The following PUDP variants were observed in gnomAD, a reference collection of about 807,000 sequenced individuals.
PUDP encodes pseudouridine 5'-phosphatase.
A neutral mutation model predicts 9.4 loss-of-function variants in PUDP; 8 were observed. The observed-to-expected ratio is 0.85, with a 90% CI of 0.50 to 1.53. PUDP has a LOEUF of 1.53. Ranked by LOEUF, PUDP falls within the 40% of genes most tolerant of loss-of-function variation. The probability of loss-of-function intolerance (pLI) is 0.00; values close to 1 mark genes in which losing one functional copy is unlikely to be tolerated. For synonymous variants in PUDP, 99 were observed against 80.7 expected, an observed-to-expected ratio of 1.23 and a Z score of -1.22; for missense variants, 188 against 189.7, an observed-to-expected ratio of 0.99 and a Z score of 0.05.
chrX:6,732,231 T>G (rs1924817937), intron 3 of PUDP, among the ~76,000 whole-genome samples: 1 of 111,388 alleles, frequency 9.0e-6, no homozygotes, highest in Non-Finnish European at 1.9e-5. Context: ...AGCTTAAAAA[T>G]TATTATTCTG....
chrX:7,055,948 C>T (rs1930231759), intron 3 of PUDP, among the ~76,000 whole-genome samples: 1 of 111,342 alleles, frequency 9.0e-6, no homozygotes, highest in Non-Finnish European at 1.9e-5. Flanking sequence ...ACTTGGCTCT[C>T]ATGCTTCCTT....
chrX:6,913,766 C>G (rs1043218827), intron 3 of PUDP, among the ~76,000 whole-genome samples: 1 of 111,422 alleles, frequency 9.0e-6, no homozygotes, highest in African/African-American at 3.3e-5. Context: ...CAATGGGCAC[C>G]CCTTCTTCCA....
chrX:6,929,807 T>G (rs1928161157), intron 3 of PUDP, among the ~76,000 whole-genome samples: 1 of 111,945 alleles, frequency 8.9e-6, no homozygotes, highest in African/African-American at 3.2e-5. Context: ...TTACGTGATA[T>G]TCAAATTTAA....
chrX:7,068,261 A>G (rs1445950427), intron 3 of PUDP, among the ~76,000 whole-genome samples: 1 of 112,066 alleles, frequency 8.9e-6, no homozygotes, highest in Non-Finnish European at 1.9e-5. Context: ...CTCCTAAATC[A>G]CTCGGTATTC....
intron 3 of PUDP, among the ~76,000 whole-genome samples, chrX:7,066,575 C>A (rs1930559776): frequency 9.0e-6 from 1 of 111,190 alleles, no homozygotes; most frequent in Non-Finnish European, 1.9e-5. Context: ...GGCCTCTGAT[C>A]AGACAGGAGG....
rs187530636 is a variant in PUDP at position 6,855,105 on chromosome X, A to G, written c.*247+122028T>C. On this transcript the variant is annotated intron_variant and NMD_transcript_variant, in intron 3 of 3. Transcript: ENST00000655425. ...CTGCACCCCTGTGACAGCAAGACTA[A>G]CCCCTCCTCTTCCTCCTCCTCTTCA... is the stretch of plus-strand genomic sequence containing the variant. 4.7e-3 allele frequency among the ~76,000 whole-genome samples: 490 copies of G among 105,018 alleles called. 4 individuals carry two copies. Among genetic ancestry groups the G allele is most frequent in the African/African-American group, 0.017 (479 of 28,679 alleles). The allele number at this position is 105,018 out of a possible 115,157, so 91.2% of individuals were successfully genotyped here.
chrX:6,917,915 G>A (rs745409414), intron 3 of PUDP, among the ~76,000 whole-genome samples: 2 of 111,829 alleles, frequency 1.8e-5, no homozygotes, highest in South Asian at 7.5e-4. Context: ...GACGTCATGG[G>A]GCAAACAAAG....
intron 3 of PUDP, among the ~76,000 whole-genome samples, chrX:6,832,489 C>T (rs1410518686): frequency 8.9e-6 from 1 of 112,156 alleles, no homozygotes; most frequent in Non-Finnish European, 1.9e-5. Flanking sequence ...GCCACTACCA[C>T]TACTTGCAAT....
chrX:7,094,326 T>C lies in PUDP; in HGVS notation c.280+11294A>G, dbSNP rs375426066. Among the ~76,000 whole-genome samples, 6 of 108,798 alleles carry C rather than the reference T, an allele frequency of 5.5e-5. No homozygotes were observed. In the East Asian group the frequency reaches 1.5e-3, roughly 26 times the overall value. 94.5% of individuals were successfully genotyped at this position (108,798 alleles called of 115,157 possible). A position where few individuals can be genotyped will look rare whatever the true frequency, so the allele number is the denominator to read the frequency against. Reference sequence around the variant, plus strand: ...CACTATATTCAGAAAAGAGGAATAATGTCCATATACATCATTGAATAAGCT... The same window carrying C: ...CACTATATTCAGAAAAGAGGAATAACGTCCATATACATCATTGAATAAGCT... On this transcript the variant is annotated intron_variant, in intron 2 of 3. Coordinates refer to ENST00000381077, the MANE Select transcript of PUDP (RefSeq NM_012080.5).
chrX:6,965,134 T>G (rs1451869043), intron 3 of PUDP, among the ~76,000 whole-genome samples: 1 of 112,034 alleles, frequency 8.9e-6, no homozygotes, highest in Non-Finnish European at 1.9e-5. Context: ...GACTTCCCAA[T>G]GCATAATGAT....
intron 3 of PUDP, among the ~76,000 whole-genome samples, chrX:6,973,045 G>A (rs965203407): frequency 1.2e-4 from 14 of 112,149 alleles, no homozygotes; most frequent in African/African-American, 4.2e-4. Flanking sequence ...TGTGGGATCA[G>A]TGGTGATATC....
At chrX:6,873,089 T>C (rs1927200521) in intron 3 of PUDP, among the ~76,000 whole-genome samples, 1 of 111,746 alleles carries the variant, frequency 8.9e-6, no homozygotes, top group Non-Finnish European at 1.9e-5. Flanking sequence ...TCCATGTGCC[T>C]CAGGAAGACT....
chrX:6,807,024 A>G (rs1281476213), intron 3 of PUDP, among the ~76,000 whole-genome samples: 2 of 112,524 alleles, frequency 1.8e-5, no homozygotes, highest in East Asian at 5.6e-4. Flanking sequence ...GAGGAAGAAG[A>G]GCAGGAAATG....
intron 2 of PUDP, among the ~76,000 whole-genome samples, chrX:7,088,993 A>G (rs929483484): frequency 8.9e-6 from 1 of 111,929 alleles, no homozygotes; most frequent in Non-Finnish European, 1.9e-5. Flanking sequence ...AAAAATGACA[A>G]CCAAAGTTTA....
intron 3 of PUDP, among the ~76,000 whole-genome samples, chrX:6,776,861 C>T (rs1272773928): frequency 8.9e-6 from 1 of 112,292 alleles, no homozygotes; most frequent in African/African-American, 3.2e-5. Context: ...TTATGAAATA[C>T]AAATAATACT....
At chrX:6,900,388 C>G (rs190610376) in intron 3 of PUDP, among the ~76,000 whole-genome samples, 1 of 107,061 alleles carries the variant, frequency 9.3e-6, no homozygotes, top group East Asian at 3.0e-4. Context: ...GTTGAACATC[C>G]TACAATGCAC....
chrX:7,086,273 T>C (rs1460824110), intron 2 of PUDP, among the ~76,000 whole-genome samples: 2 of 112,349 alleles, frequency 1.8e-5, no homozygotes, highest in Non-Finnish European at 3.7e-5. Context: ...TCCTTGACAC[T>C]AGAAAATAAC....
chrX:7,029,658 T>C (rs1019555766), intron 1 of PUDP, among the ~76,000 whole-genome samples: 1 of 111,822 alleles, frequency 8.9e-6, no homozygotes, highest in African/African-American at 3.3e-5. Flanking sequence ...GAAATTCCCT[T>C]ATTTATTTGT....
intron 1 of PUDP, among the ~76,000 whole-genome samples, chrX:7,031,339 C>T (rs779245329): frequency 1.0e-3 from 112 of 111,702 alleles, no homozygotes; most frequent in African/African-American, 3.1e-3. Flanking sequence ...TAATAGGTAA[C>T]GCTCAGACAC....
Sources: gnomAD v4.1 joint callset for allele counts (sites outside exome capture counted in the v4.1 genomes callset) on GRCh38, gnomAD v4.1.1 for gene constraint, MANE v1.5 for transcripts, NCBI Gene and HGNC (gene_info 2026-07-23, HGNC 2026-07-21) for gene names.